ASTN2: variants seen among roughly 807,000 people sequenced by gnomAD.
The protein encoded by ASTN2 is astrotactin 2, also known as astrotactin-2.
In ASTN2, 54 loss-of-function variants were observed where a neutral mutation model predicts 139.8. That is an observed-to-expected ratio of 0.39 (90% CI 0.31 to 0.48). The LOEUF (loss-of-function observed/expected upper bound fraction) is 0.48. Among genes scored for constraint, ASTN2 ranks in the 20% least tolerant of loss-of-function variants. The pLI is 0.95. For missense variants in ASTN2, 1,565 were observed against 1,725.1 expected (o/e 0.91, Z 1.64); for synonymous variants, 756 against 719.5 (o/e 1.05, Z -0.81).
intron 16 of ASTN2, among the ~76,000 whole-genome samples, chr9:116,679,439 T>C (rs1389493136): frequency 6.6e-6 from 1 of 152,160 alleles, no homozygotes; most frequent in Non-Finnish European, 1.5e-5. Context: ...TACTGGCGTA[T>C]GTTCCGAAAT....
At chr9:117,300,625 C>A (rs1369600764) in intron 1 of ASTN2, among the ~76,000 whole-genome samples, 1 of 152,154 alleles carries the variant, frequency 6.6e-6, no homozygotes, top group Middle Eastern at 3.2e-3. Flanking sequence ...CAGGGAGAGT[C>A]TATAATCTGG....
chr9:117,248,702 C>T (rs1411995653), intron 2 of ASTN2, among the ~76,000 whole-genome samples: 2 of 152,224 alleles, frequency 1.3e-5, no homozygotes, highest in Non-Finnish European at 2.9e-5. Flanking sequence ...ACAGTTTGTG[C>T]TATCATGTGT....
chr9:116,598,313 G>C (rs1854691254), intron 19 of ASTN2, among the ~76,000 whole-genome samples: 1 of 152,168 alleles, frequency 6.6e-6, no homozygotes, highest in Non-Finnish European at 1.5e-5. Flanking sequence ...AGGTGGTATG[G>C]GGTAAAATAC....
chr9:117,409,270 A>G (rs1447073622), intron 1 of ASTN2, among the ~76,000 whole-genome samples: 1 of 152,208 alleles, frequency 6.6e-6, no homozygotes, highest in East Asian at 1.9e-4. Context: ...ATGACTATTT[A>G]TAAGGATTTT....
rs144058795 is a variant in ASTN2 at position 117,224,912 on chromosome 9, G to T, written c.631-10170C>A. ...ATGCTTTTGTCTGCCAGAGCATGCCGCAGATTGCATCATAGTTTGACCCCC... is the reference window on the plus strand; with the variant it reads ...ATGCTTTTGTCTGCCAGAGCATGCCTCAGATTGCATCATAGTTTGACCCCC... On this transcript the variant is annotated intron_variant, in intron 2 of 22. Transcript: ENST00000313400. Among the ~76,000 whole-genome samples, 3 of 152,214 alleles carry T rather than the reference G, an allele frequency of 2.0e-5. No homozygotes were observed. In the South Asian group the frequency reaches 6.2e-4, roughly 32 times the overall value.
At chr9:116,967,884 C>T (rs973813214) in intron 10 of ASTN2, among the ~76,000 whole-genome samples, 7 of 152,160 alleles carry the variant, frequency 4.6e-5, no homozygotes, top group Admixed American at 4.6e-4. Flanking sequence ...CAATGTGATC[C>T]AGAGAAAGGA....
Position 117,155,191 on chromosome 9 carries a change from T to C in ASTN2, c.1016-13713A>G, listed in dbSNP as rs184159159. ...GATAATCCTGAATTGTCTTCTTCTT[T>C]TCCTTGTTTTGGCCCTGGTTAAAAC... On this transcript the variant is annotated intron_variant, in intron 3 of 22. Transcript: ENST00000313400. 3.3e-3 allele frequency among the ~76,000 whole-genome samples: 498 copies of C among 152,186 alleles called. 1 individual carries two copies. Among genetic ancestry groups the C allele is most frequent in the Non-Finnish European group, 6.2e-3 (423 of 67,980 alleles).
At chr9:116,680,804 G>C (rs913021836) in intron 16 of ASTN2, among the ~76,000 whole-genome samples, 1 of 152,094 alleles carries the variant, frequency 6.6e-6, no homozygotes, top group Non-Finnish European at 1.5e-5. Flanking sequence ...TGCAGAAAAG[G>C]CCTTTGACAA....
At chr9:116,756,060 T>C (rs191735535) in intron 13 of ASTN2, among the ~76,000 whole-genome samples, 1 of 152,356 alleles carries the variant, frequency 6.6e-6, no homozygotes, top group East Asian at 1.9e-4. Flanking sequence ...TCTGTGGTAA[T>C]TTGTTACAGT....
chr9:117,260,961 G>A (rs1340903181), intron 2 of ASTN2, among the ~76,000 whole-genome samples: 1 of 152,184 alleles, frequency 6.6e-6, no homozygotes, highest in African/African-American at 2.4e-5. Context: ...GTGAAAGTGT[G>A]TATAAGTATG....
intron 19 of ASTN2, among the ~76,000 whole-genome samples, chr9:116,490,768 T>C (rs956186600): frequency 1.3e-5 from 2 of 152,112 alleles, no homozygotes. Context: ...ACCACCCCCA[T>C]AATCTAATCA....
intron 2 of ASTN2, among the ~76,000 whole-genome samples, chr9:117,246,433 C>A (rs1833384969): frequency 6.6e-6 from 1 of 152,192 alleles, no homozygotes; most frequent in African/African-American, 2.4e-5. Flanking sequence ...AGAAGCCATG[C>A]AACTCCGCTG....
chr9:117,225,052 T>C (rs910320280), intron 2 of ASTN2, among the ~76,000 whole-genome samples: 1 of 152,190 alleles, frequency 6.6e-6, no homozygotes, highest in Non-Finnish European at 1.5e-5. Flanking sequence ...ATTTCTACAC[T>C]GAGAGGCAAT....
At position 117,234,585 on chromosome 9, in the gene ASTN2, T is replaced by C. The variant is rs1053218930; in HGVS notation, c.631-19843A>G. 2.6e-5 allele frequency among the ~76,000 whole-genome samples: 4 copies of C among 152,338 alleles called. No individual in the cohort carries two copies. The East Asian group carries it at 7.7e-4, about 29-fold the overall frequency. ...TTATCACTGCTTTTGTACACTTTCC[T>C]TTGAAAAATTTTAATTGGAAATTCA... is the stretch of plus-strand genomic sequence containing the variant. On this transcript the variant is annotated intron_variant, in intron 2 of 22. Transcript: ENST00000313400.
At chr9:117,124,989 G>A (rs1829651712) in intron 4 of ASTN2, among the ~76,000 whole-genome samples, 1 of 152,272 alleles carries the variant, frequency 6.6e-6, no homozygotes, top group Admixed American at 6.5e-5. Flanking sequence ...GTGCAAAAAT[G>A]TGTTGTCAAC....
At chr9:116,750,303 C>T (rs556608301) in intron 13 of ASTN2, among the ~76,000 whole-genome samples, 1 of 152,270 alleles carries the variant, frequency 6.6e-6, no homozygotes, top group Admixed American at 6.5e-5. Context: ...TGAATGTTAA[C>T]ATTTAAAACC....
In ASTN2 at chr9:116,470,878, C is replaced by T. The variant is rs10983183; in HGVS notation, c.3497+16481G>A. On this transcript the variant is annotated intron_variant, in intron 20 of 22. Transcript: ENST00000313400. The stretch of plus-strand genomic sequence containing the variant: ...GCCAATGCTTTATGGTGGGTACTCT[C>T]CTTGGCCTGCCATTGGTTACCTACA... 0.016 allele frequency among the ~76,000 whole-genome samples: 2,417 copies of T among 152,234 alleles called. 180 individuals are homozygous for T. The South Asian group carries it at 0.2, about 13-fold the overall frequency.
intron 3 of ASTN2, among the ~76,000 whole-genome samples, chr9:117,205,126 G>T (rs1156561908): frequency 6.6e-6 from 1 of 152,302 alleles, no homozygotes; most frequent in Middle Eastern, 3.4e-3. Context: ...ACAAATGGGG[G>T]TAGTGACAAT....
chr9:116,508,485 AGT>A (rs112019921), intron 19 of ASTN2, among the ~76,000 whole-genome samples: 234 of 149,820 alleles, frequency 1.6e-3, no homozygotes, highest in African/African-American at 3.6e-3. Flanking sequence ...TGTGAGTGTG[AGT>A]GTGTGTGTGT....
Sources: allele counts gnomAD v4.1 joint callset (sites outside exome capture counted in the v4.1 genomes callset), GRCh38; gene constraint gnomAD v4.1.1; transcripts MANE v1.5; gene names NCBI Gene and HGNC (gene_info 2026-07-23, HGNC 2026-07-21).